Variants in COL5A3 observed in about 807,000 individuals in gnomAD.
COL5A3 encodes collagen type V alpha 3 chain.
Under a neutral mutation model 250.0 loss-of-function variants are expected in COL5A3, and 172 were observed. The ratio of observed to expected loss-of-function variants is 0.69; its 90% CI spans 0.61 to 0.78. COL5A3 has a LOEUF of 0.78. Among genes scored for constraint, COL5A3 ranks in the 30% least tolerant of loss-of-function variants. COL5A3 has a pLI of 0.00. For synonymous variants in COL5A3, 937 were observed against 900.4 expected (o/e 1.04, Z -0.73); for missense variants, 2,340 against 2,334.4 (o/e 1.00, Z -0.05).
chr19:9,977,765 T>C, intron 41 of COL5A3, 64 bp from the exon 42 acceptor site: 1 of 1,304,714 alleles, frequency 7.7e-7, no homozygotes, highest in Non-Finnish European at 1.0e-6. Flanking sequence ...GGAGGGTTTT[T>C]AAGCCACCAG....
chr19:9,978,044 C>T (rs936590369), intron 41 of COL5A3, among the ~76,000 whole-genome samples: 3 of 150,312 alleles, frequency 2.0e-5, no homozygotes, highest in Non-Finnish European at 3.0e-5. Context: ...TGGGCTCAAG[C>T]GATTCTCCAG....
chr19:9,991,841 C>G lies in COL5A3; in HGVS notation c.1894G>C (p.Gly632Arg). 1 of 1,608,144 alleles carries G rather than the reference C, an allele frequency of 6.2e-7. No homozygotes were observed. Among genetic ancestry groups the G allele is most frequent in the Non-Finnish European group, 8.5e-7 (1 of 1,177,390 alleles). Residue 632 changes from glycine to arginine, a missense_variant and splice_region_variant, in exon 23 of 67, where the codon GGT becomes CGT. Transcript: ENST00000264828. ...GGAGGGCCTGGTTCTCCTGGAGGAC[C>G]CTGGGGAGAAAGTGGGGTTTCAGTG... ...DGAPGAKGNV[G>R]PPGEPGPPGQ...
chr19:9,990,570 A>ATT (rs60535040), intron 24 of COL5A3, among the ~76,000 whole-genome samples: 96 of 149,162 alleles, frequency 6.4e-4, no homozygotes, highest in Admixed American at 3.7e-3. Flanking sequence ...AATAAAATTA[A>ATT]TTTTTTTTTT....
At position 9,967,488 on chromosome 19, in the gene COL5A3, C is replaced by A. The variant is rs950514861; in HGVS notation, c.4405-88G>T. ...ACACAAACACACACACACACTCACA[C>A]ACACACTCACACACACACAGTCTCA... On this transcript the variant is annotated intron_variant, in intron 61 of 66. Transcript: ENST00000264828. 1.1e-5 allele frequency: 9 copies of A among 825,644 alleles called. No individual in the cohort carries two copies. In the African/African-American group the frequency reaches 1.6e-4, roughly 15 times the overall value. 51.1% of individuals were successfully genotyped at this position (825,644 alleles called of 1,614,324 possible).
At chr19:9,965,789 C>G (rs1052035307) in intron 64 of COL5A3, among the ~76,000 whole-genome samples, 2 of 152,114 alleles carry the variant, frequency 1.3e-5, no homozygotes, top group African/African-American at 4.8e-5. Flanking sequence ...TGTCTGTCTT[C>G]CCATGGAAGG....
chr19:9,970,950 C>T (rs2086836745), intron 53 of COL5A3, 25 bp downstream of exon 53: 1 of 1,559,888 alleles, frequency 6.4e-7, no homozygotes, highest in East Asian at 2.4e-5. Context: ...CGCCTCAGCA[C>T]CACACCCTCT....
chr19:10,007,901 A>C, intron 1 of COL5A3, among the ~76,000 whole-genome samples: 1 of 141,618 alleles, frequency 7.1e-6, no homozygotes, highest in Admixed American at 7.0e-5. Flanking sequence ...CCAGGCCTCC[A>C]TCTGTGTCCA....
chr19:9,971,035 G>C lies in COL5A3; in HGVS notation c.3829-7C>G, dbSNP rs183732802. 58 of 1,521,444 alleles carry C rather than the reference G, an allele frequency of 3.8e-5. No individual in the cohort carries two copies. The African/African-American group carries it at 6.6e-4, about 17-fold the overall frequency. 94.2% of individuals were successfully genotyped at this position (1,521,444 alleles called of 1,614,324 possible). A position where few individuals can be genotyped will look rare whatever the true frequency, so the allele number is the denominator to read the frequency against. ...CTGGGGAACCATCTATGCCCTGCATGGGGGGAAGACAGAGTTGGGAGGGGT... is the reference window on the plus strand; with the variant it reads ...CTGGGGAACCATCTATGCCCTGCATCGGGGGAAGACAGAGTTGGGAGGGGT... On this transcript the variant is annotated splice_region_variant and splice_polypyrimidine_tract_variant and intron_variant, in intron 52 of 66. Transcript: ENST00000264828.
chr19:9,968,491 C>T lies in COL5A3; in HGVS notation c.4208G>A (p.Gly1403Asp), dbSNP rs1568405474. 5 of 1,584,004 alleles carry T rather than the reference C, an allele frequency of 3.2e-6. No homozygotes were observed. The highest frequency in any genetic ancestry group is 4.3e-6 in the Non-Finnish European group (5 of 1,170,810). Residue 1403 changes from glycine to aspartate, a missense_variant and splice_region_variant, in exon 59 of 67, where the codon GGC becomes GAC. This residue lies in a region of COL5A3 where 1,179 missense variants were observed against 1,162.6 expected (regional missense o/e 1.01). Transcript: ENST00000264828. This position sits in a 1 kb window ranked among gnomAD's most constrained non-coding sequence, Gnocchi z 4.1. ...KGDTGPKGEK[G>D]HIGLIGLIGP... Reference sequence around the variant, plus strand: ...AATGAGACCGATCAATCCAATGTGGCCCTGAAGGACAAAAGAGGCACAGAC... The same window carrying T: ...AATGAGACCGATCAATCCAATGTGGTCCTGAAGGACAAAAGAGGCACAGAC...
chr19:9,981,031 C>G, intron 33 of COL5A3, 57 bp downstream of exon 33: 1 of 1,585,646 alleles, frequency 6.3e-7, no homozygotes, highest in Non-Finnish European at 8.7e-7. Context: ...ACTACCTTTC[C>G]TTCCCAGCCC....
intron 1 of COL5A3, among the ~76,000 whole-genome samples, chr19:10,008,449 G>GA (rs201508733): frequency 0.031 from 4,662 of 151,838 alleles, 238 homozygotes; most frequent in African/African-American, 0.11. Flanking sequence ...AAGGGGTGGG[G>GA]GGGTCTGTCA....
At chr19:10,002,012 A>G (rs2287802) in intron 6 of COL5A3, 131 bp from the exon 7 acceptor site, 246,041 of 639,208 alleles carry the variant, frequency 0.38, 48,441 homozygotes, top group South Asian at 0.51. Context: ...AAAGAGCACC[A>G]GAGGCCAATG....
In COL5A3 at chr19:9,977,415, GCCCCA is replaced by G; in HGVS notation, c.3179_3183del (p.Leu1060ProfsTer29). On this transcript the variant is annotated frameshift_variant, in exon 43 of 67. Coordinates refer to ENST00000264828, the MANE Select transcript of COL5A3 (RefSeq NM_015719.4). LOFTEE classifies it high-confidence loss of function. Reference sequence around the variant, plus strand: ...CCAGCAGCTCCAGGGGGTCCCAGAGGCCCCAGGGGCCCTGGGATCCCATCTTTGCC... The same window carrying G: ...CCAGCAGCTCCAGGGGGTCCCAGAGGGGGGCCCTGGGATCCCATCTTTGCC... The G allele has an allele frequency of 2.0e-6, 3 of 1,531,842 alleles. No individual in the cohort carries two copies. Among genetic ancestry groups the G allele is most frequent in the Non-Finnish European group, 2.6e-6 (3 of 1,141,554 alleles). The allele number at this position is 1,531,842 out of a possible 1,614,324, so 94.9% of individuals were successfully genotyped here.
Position 9,960,881 on chromosome 19 carries a change from C to T in COL5A3, c.4861G>A (p.Val1621Met), listed in dbSNP as rs528218733. 4.8e-5 allele frequency: 77 copies of T among 1,604,876 alleles called. No homozygotes were observed. Among genetic ancestry groups the T allele is most frequent in the Non-Finnish European group, 5.8e-5 (69 of 1,179,966 alleles). The change falls in exon 66 of 67, where the codon GTG (valine) becomes ATG (methionine). Residue 1621 changes from valine to methionine, a missense_variant. By Grantham distance (21) the Val-to-Met change is conservative. Around this residue, in one of 3 missense-constraint regions of COL5A3, gnomAD observed 1,179 missense variants for 1,162.6 expected, o/e 1.01. Coordinates refer to ENST00000264828, the MANE Select transcript of COL5A3 (RefSeq NM_015719.4). ...TFRRGKKFSY[V>M]DADGSPVNVV... ...TTCACTGGGGACCCGTCGGCGTCCA[C>T]GTAGGAGAACTGGTGAGAGGAGGGC... is the stretch of plus-strand genomic sequence containing the variant.
intron 6 of COL5A3, among the ~76,000 whole-genome samples, chr19:10,002,157 A>G (rs1001955533): frequency 6.6e-6 from 1 of 152,132 alleles, no homozygotes; most frequent in Admixed American, 6.5e-5. Context: ...AGGCTCCCGG[A>G]AGCCTAGCCC....
chr19:9,967,856 G>C (rs1302958707), intron 61 of COL5A3, 48 bp downstream of exon 61: 2 of 1,581,436 alleles, frequency 1.3e-6, no homozygotes, highest in Non-Finnish European at 1.7e-6. Context: ...GCAGTGAAGG[G>C]GGTGGGGAGC....
intron 39 of COL5A3, 54 bp from the exon 40 acceptor site, chr19:9,979,034 C>A: frequency 6.8e-7 from 1 of 1,477,900 alleles, no homozygotes. Flanking sequence ...TGTCTCCCTC[C>A]AATCTGTGAC....
At chr19:9,998,396 C>T (rs1273166258) in intron 8 of COL5A3, among the ~76,000 whole-genome samples, 1 of 152,144 alleles carries the variant, frequency 6.6e-6, no homozygotes, top group Non-Finnish European at 1.5e-5. Context: ...CAATACTGAT[C>T]CTGCATCTGC....
At chr19:9,993,853 C>A in intron 16 of COL5A3, 47 bp from the exon 17 acceptor site, 1 of 1,541,358 alleles carries the variant, frequency 6.5e-7, no homozygotes, top group Non-Finnish European at 8.9e-7. Context: ...CTTCCCTGTA[C>A]CCCTCCACCA....
Sources: gnomAD v4.1 joint callset for allele counts (sites outside exome capture counted in the v4.1 genomes callset) on GRCh38, gnomAD v4.1.1 for gene constraint, gnomAD v4.1.1 regional missense constraint, Gnocchi (gnomAD v3.1) non-coding constraint, MANE v1.5 for transcripts, NCBI Gene and HGNC (gene_info 2026-07-23, HGNC 2026-07-21) for gene names.